Variants in FBXW11 observed in about 807,000 individuals in gnomAD.
FBXW11 encodes F-box and WD repeat domain containing 11.
In FBXW11, 19 loss-of-function variants were observed where a neutral mutation model predicts 77.6. The ratio of observed to expected loss-of-function variants is 0.24; its 90% CI spans 0.17 to 0.36. FBXW11 has a LOEUF of 0.36. FBXW11 is among the 10% of genes least tolerant of loss of function. FBXW11 has a pLI of 1.00. For missense variants in FBXW11, 334 were observed against 704.2 expected (o/e 0.47, Z 5.95); for synonymous variants, 235 against 249.4 (o/e 0.94, Z 0.54).
intron 2 of FBXW11, among the ~76,000 whole-genome samples, chr5:171,957,298 G>GTT (rs993565718): frequency 6.6e-6 from 1 of 151,914 alleles, no homozygotes; most frequent in Non-Finnish European, 1.5e-5. Context: ...AATGTCAGGA[G>GTT]TTTTTTTTGG....
intron 6 of FBXW11, among the ~76,000 whole-genome samples, chr5:171,893,305 C>G (rs1401353649): frequency 6.7e-6 from 1 of 150,268 alleles, no homozygotes; most frequent in Non-Finnish European, 1.5e-5. Context: ...ATGGAGATGC[C>G]AGGAGAGGGG....
intron 1 of FBXW11, among the ~76,000 whole-genome samples, chr5:171,996,592 G>C (rs886611789): frequency 4.6e-5 from 7 of 152,182 alleles, no homozygotes; most frequent in African/African-American, 1.7e-4. Context: ...GAGGCCAAGA[G>C]GTCAAGGCTG....
In FBXW11 at chr5:172,006,557, C is replaced by A. The variant is rs1003128081; in HGVS notation, c.-55G>T. On this transcript the variant is annotated 5_prime_UTR_variant, in exon 1 of 14. Coordinates refer to ENST00000517395, the MANE Select transcript of FBXW11 (RefSeq NM_001378974.1). ...CCCGCGCAGCAGCGAACGGCCCGGG[C>A]GGAGGAGGCGACGGCGGAGGCGGCA... 1.4e-6 allele frequency: 2 copies of A among 1,456,192 alleles called. No homozygotes were observed. The highest frequency in any genetic ancestry group is 2.7e-5 in the Admixed American group (1 of 37,442). 90.2% of individuals were successfully genotyped at this position (1,456,192 alleles called of 1,614,324 possible).
intron 1 of FBXW11, among the ~76,000 whole-genome samples, chr5:171,960,684 T>C (rs928924048): frequency 6.6e-6 from 1 of 152,204 alleles, no homozygotes; most frequent in Non-Finnish European, 1.5e-5. Context: ...CTGCTAATTT[T>C]AGATTAAGAG....
intron 6 of FBXW11, 130 bp from the exon 7 acceptor site, chr5:171,891,734 G>A: frequency 1.2e-6 from 1 of 807,474 alleles, no homozygotes. Context: ...AACTGTCTGT[G>A]GATAGGATCA....
At chr5:171,981,267 C>T (rs1581069353) in intron 1 of FBXW11, among the ~76,000 whole-genome samples, 1 of 152,302 alleles carries the variant, frequency 6.6e-6, no homozygotes, top group Middle Eastern at 3.4e-3. Flanking sequence ...ACCCAGGACC[C>T]TTCTAGACCT....
chr5:171,916,346 G>T, intron 2 of FBXW11: 2 of 646,426 alleles, frequency 3.1e-6, no homozygotes, highest in Non-Finnish European at 3.8e-6. Flanking sequence ...CCAGATGGCC[G>T]CCTATGGGGA....
intron 1 of FBXW11, among the ~76,000 whole-genome samples, chr5:171,975,852 G>A (rs1241976867): frequency 6.6e-6 from 1 of 152,212 alleles, no homozygotes; most frequent in East Asian, 1.9e-4. Flanking sequence ...TTCCAAAAGT[G>A]TGTCTCTTGG....
chr5:171,881,580 A>G (rs1758509847), intron 7 of FBXW11, among the ~76,000 whole-genome samples: 1 of 152,200 alleles, frequency 6.6e-6, no homozygotes, highest in Non-Finnish European at 1.5e-5. Flanking sequence ...GTACTAAGGT[A>G]ACAATGGCCT....
At chr5:171,912,783 G>A (rs1379706125) in intron 3 of FBXW11, among the ~76,000 whole-genome samples, 8 of 151,954 alleles carry the variant, frequency 5.3e-5, no homozygotes, top group African/African-American at 9.7e-5. Context: ...AGTGGTGGGC[G>A]CCTGTAATCC....
At chr5:171,886,440 GA>G (rs978102493) in intron 7 of FBXW11, among the ~76,000 whole-genome samples, 14 of 128,766 alleles carry the variant, frequency 1.1e-4, no homozygotes, top group Non-Finnish European at 2.1e-4. Context: ...GGGGAGGGGG[GA>G]GGGATAGCAT....
chr5:171,938,386 A>C (rs536016163), intron 2 of FBXW11, among the ~76,000 whole-genome samples: 1 of 152,250 alleles, frequency 6.6e-6, no homozygotes, highest in Non-Finnish European at 1.5e-5. Context: ...CAAAAAACAT[A>C]ACATGACCCT....
chr5:171,946,509 C>G (rs1213964169), intron 2 of FBXW11, among the ~76,000 whole-genome samples: 1 of 152,304 alleles, frequency 6.6e-6, no homozygotes, highest in African/African-American at 2.4e-5. Context: ...GATTTCATCT[C>G]CTACTACTTT....
At chr5:171,967,946 G>A (rs892888623) in intron 1 of FBXW11, among the ~76,000 whole-genome samples, 7 of 150,140 alleles carry the variant, frequency 4.7e-5, no homozygotes, top group Admixed American at 6.6e-5. Flanking sequence ...AAACACAGGT[G>A]ATTTTTATTT....
At chr5:171,887,906 G>A (rs539477873) in intron 7 of FBXW11, among the ~76,000 whole-genome samples, 9 of 152,172 alleles carry the variant, frequency 5.9e-5, no homozygotes, top group African/African-American at 1.4e-4. Context: ...TGATCCACCC[G>A]CCTCAGCCTC....
At chr5:171,951,635 T>C (rs1427636421) in intron 2 of FBXW11, among the ~76,000 whole-genome samples, 2 of 151,998 alleles carry the variant, frequency 1.3e-5, no homozygotes, top group African/African-American at 4.8e-5. Flanking sequence ...AGATTACAGG[T>C]GCATGCCACC....
rs138590418 is a variant in FBXW11, at chr5:171,872,120, T to C, written c.1340+752A>G. Among the ~76,000 whole-genome samples, 5 of 152,334 alleles carry C rather than the reference T, an allele frequency of 3.3e-5. No individual in the cohort carries two copies. The East Asian group carries it at 9.6e-4, about 29-fold the overall frequency. Reference sequence around the variant, plus strand: ...AAAGTTTTAATAATCTTAAACCCAATCTTTATTTTGACCAAACATTAGGCA... The same window carrying C: ...AAAGTTTTAATAATCTTAAACCCAACCTTTATTTTGACCAAACATTAGGCA... On this transcript the variant is annotated intron_variant, in intron 10 of 13. Coordinates refer to ENST00000517395, the MANE Select transcript of FBXW11 (RefSeq NM_001378974.1).
At chr5:171,925,061 T>C (rs1301243790) in intron 2 of FBXW11, among the ~76,000 whole-genome samples, 1 of 152,082 alleles carries the variant, frequency 6.6e-6, no homozygotes, top group Non-Finnish European at 1.5e-5. Flanking sequence ...GTGGGCAAGA[T>C]ACCTCCAACA....
chr5:171,878,601 A>T (rs868247249), intron 7 of FBXW11, among the ~76,000 whole-genome samples: 52 of 69,194 alleles, frequency 7.5e-4, no homozygotes, highest in Non-Finnish European at 1.3e-3. Flanking sequence ...TAAGAGAGAG[A>T]GAGTGTGTGT....
Sources: gnomAD v4.1 joint callset for allele counts (sites outside exome capture counted in the v4.1 genomes callset) on GRCh38, gnomAD v4.1.1 for gene constraint, MANE v1.5 for transcripts, NCBI Gene and HGNC (gene_info 2026-07-23, HGNC 2026-07-21) for gene names.